The following BICRA variants were observed in gnomAD, a reference collection of about 807,000 sequenced individuals.
BICRA encodes BRD4 interacting chromatin remodeling complex associated protein, also known as BRD4-interacting chromatin-remodeling complex-associated protein.
In BICRA, 31 loss-of-function variants were observed where a neutral mutation model predicts 96.9. The ratio of observed to expected loss-of-function variants is 0.32; its 90% CI spans 0.24 to 0.43. BICRA has a LOEUF of 0.43. BICRA is among the 20% of genes least tolerant of loss of function. The pLI is 1.00. For missense variants in BICRA, 2,283 were observed against 2,190.3 expected, an observed-to-expected ratio of 1.04 and a Z score of -0.84; for synonymous variants, 1,350 against 1,071.8, an observed-to-expected ratio of 1.26 and a Z score of -5.07.
chr19:47,659,930 T>C (rs1036753505), intron 1 of BICRA, among the ~76,000 whole-genome samples: 6 of 152,112 alleles, frequency 3.9e-5, no homozygotes, highest in Non-Finnish European at 8.8e-5. Flanking sequence ...GTAAAATTTT[T>C]TGTAGAGATG....
rs1815013098 is a variant in BICRA at position 47,680,922 on chromosome 19, G to C, written c.1752G>C (p.Gln584His). Reference protein sequence around the residue: ...PAGPAATTVLQGVTLPPSAVA... With the variant: ...PAGPAATTVLHGVTLPPSAVA... ...GGCCGGCCGCCACCACTGTCCTCCA[G>C]GGGGTCACCCTGCCCCCCAGCGCCG... The change falls in exon 6 of 15, where the codon CAG becomes CAC. Residue 584 changes from glutamine (Q) to histidine (H), a missense_variant. By Grantham distance (24) the Gln-to-His change is conservative (BLOSUM62 0). Transcript: ENST00000594866. 11 of 1,480,030 alleles carry C rather than the reference G, an allele frequency of 7.4e-6. No individual in the cohort carries two copies. Among genetic ancestry groups the C allele is most frequent in the Non-Finnish European group, 9.8e-6 (11 of 1,127,380 alleles). 91.7% of individuals were successfully genotyped at this position (1,480,030 alleles called of 1,614,324 possible). A position where few individuals can be genotyped will look rare whatever the true frequency, so the allele number is the denominator to read the frequency against.
At chr19:47,633,020 C>T (rs1288127656) in intron 1 of BICRA, among the ~76,000 whole-genome samples, 2 of 151,110 alleles carry the variant, frequency 1.3e-5, no homozygotes, top group African/African-American at 2.4e-5. Flanking sequence ...TAAAGCTTAG[C>T]GGCTCTTATT....
intron 1 of BICRA, among the ~76,000 whole-genome samples, chr19:47,645,942 A>T (rs139009561): frequency 4.6e-5 from 7 of 152,136 alleles, no homozygotes; most frequent in South Asian, 2.1e-4. Context: ...ACAAAAAATT[A>T]AAAAAGTTAG....
intron 1 of BICRA, among the ~76,000 whole-genome samples, chr19:47,625,046 G>T (rs1972120848): frequency 7.2e-6 from 1 of 139,292 alleles, no homozygotes; most frequent in Non-Finnish European, 1.5e-5. Context: ...GTTGCCCAGG[G>T]TGAAGTGCAG....
At chr19:47,645,734 G>A (rs556476969) in intron 1 of BICRA, among the ~76,000 whole-genome samples, 1 of 152,312 alleles carries the variant, frequency 6.6e-6, no homozygotes, top group Admixed American at 6.5e-5. Context: ...TCTTCCTTCT[G>A]ATTGGCTCTT....
At chr19:47,664,938 A>G (rs1352612265) in intron 1 of BICRA, among the ~76,000 whole-genome samples, 1 of 152,212 alleles carries the variant, frequency 6.6e-6, no homozygotes, top group Non-Finnish European at 1.5e-5. Context: ...ACAGATGGTT[A>G]AAAAGCCAGT....
chr19:47,648,575 A>G (rs1033265988), intron 1 of BICRA, among the ~76,000 whole-genome samples: 1 of 151,546 alleles, frequency 6.6e-6, no homozygotes, highest in Non-Finnish European at 1.5e-5. Context: ...GTGACACTCG[A>G]GAAAAGGAAG....
At chr19:47,689,277 C>CT (rs1394482017) in intron 7 of BICRA, among the ~76,000 whole-genome samples, 1 of 150,616 alleles carries the variant, frequency 6.6e-6, no homozygotes, top group Non-Finnish European at 1.5e-5. Context: ...GTTTTTTTTT[C>CT]TTTTTTTCCA....
At position 47,701,909 on chromosome 19, in the gene BICRA, G is replaced by A. The variant is rs1442421204; in HGVS notation, c.4177G>A (p.Glu1393Lys). Residue 1393 changes from glutamate to lysine, a missense_variant, in exon 15 of 15, where the codon GAG becomes AAG. By Grantham distance (56) the Glu-to-Lys change is moderately conservative. Transcript: ENST00000594866. The surrounding 1 kb of genome is among the most constrained non-coding windows in gnomAD (Gnocchi z 5.4). Reference sequence around the variant, plus strand: ...CCTGCCACTGCGCAAGACCTACCGCGAGAACGTGGGGGGCCCTGGCGCGCC... The same window carrying A: ...CCTGCCACTGCGCAAGACCTACCGCAAGAACGTGGGGGGCCCTGGCGCGCC... ...PRLPLRKTYR[E>K]NVGGPGAPEG... The A allele has an allele frequency of 1.4e-6, 2 of 1,440,446 alleles. No homozygotes were observed. Among genetic ancestry groups the A allele is most frequent in the East Asian group, 3.1e-5 (1 of 32,658 alleles). The allele number at this position is 1,440,446 out of a possible 1,614,324, so 89.2% of individuals were successfully genotyped here.
chr19:47,682,558 G>A (rs1247269718), intron 7 of BICRA, among the ~76,000 whole-genome samples: 16 of 152,164 alleles, frequency 1.1e-4, no homozygotes, highest in African/African-American at 2.4e-5. Context: ...TAGGGAAACA[G>A]AATCAAATAG....
intron 7 of BICRA, 102 bp from the exon 8 acceptor site, chr19:47,694,013 G>A (rs1973281815): frequency 2.2e-6 from 3 of 1,369,674 alleles, no homozygotes; most frequent in Middle Eastern, 2.5e-4. Context: ...TAGGAAGGGG[G>A]CTTCTGGCGG....
chr19:47,616,038 A>G (rs1039687438), intron 1 of BICRA: 4 of 152,452 alleles, frequency 2.6e-5, no homozygotes, highest in Admixed American at 6.5e-5. Flanking sequence ...ACAAGGAACA[A>G]TGTTGGCATT....
chr19:47,685,137 T>G (rs1973124850), intron 7 of BICRA, among the ~76,000 whole-genome samples: 1 of 118,110 alleles, frequency 8.5e-6, no homozygotes, highest in Non-Finnish European at 1.7e-5. Context: ...GCACAGCTAA[T>G]TTTTTTTTTT....
At chr19:47,639,841 G>T (rs1430197041) in intron 1 of BICRA, among the ~76,000 whole-genome samples, 1 of 150,634 alleles carries the variant, frequency 6.6e-6, no homozygotes, top group Admixed American at 6.6e-5. Flanking sequence ...ATGGGGTCTA[G>T]CTATGATGCC....
At chr19:47,694,083 G>GCCCCCC in intron 7 of BICRA, 32 bp from the exon 8 acceptor site, 2 of 1,093,876 alleles carry the variant, frequency 1.8e-6, no homozygotes, top group Non-Finnish European at 2.3e-6. Flanking sequence ...TCTGACCCCC[G>GCCCCCC]CCCCTCCCCT....
intron 7 of BICRA, among the ~76,000 whole-genome samples, chr19:47,693,884 T>G (rs1204341053): frequency 1.3e-5 from 2 of 151,714 alleles, no homozygotes; most frequent in Non-Finnish European, 2.9e-5. Context: ...CAGAGAAATG[T>G]GGAGGAGCTG....
intron 7 of BICRA, among the ~76,000 whole-genome samples, chr19:47,685,791 GCGCGCGCGCA>G (rs1180404610): frequency 7.8e-6 from 1 of 127,652 alleles, no homozygotes; most frequent in Non-Finnish European, 1.6e-5. Flanking sequence ...GTGTGTGCGC[GCGCGCGCGCA>G]TGCGTACATT....
Position 47,698,569 on chromosome 19 carries a change from C to A in BICRA, c.3249-65C>A. 1.3e-6 allele frequency: 1 copy of A among 754,874 alleles called. No homozygotes were observed. The highest frequency in any genetic ancestry group is 1.5e-5 in the South Asian group (1 of 66,548). The allele number at this position is 754,874 out of a possible 1,614,324, so 46.8% of individuals were successfully genotyped here. A position where few individuals can be genotyped will look rare whatever the true frequency, so the allele number is the denominator to read the frequency against. On this transcript the variant is annotated intron_variant, in intron 11 of 14. Coordinates refer to ENST00000594866, the MANE Select transcript of BICRA (RefSeq NM_001394372.1). The surrounding 1 kb of genome is among the most constrained non-coding windows in gnomAD (Gnocchi z 4.8). The stretch of plus-strand genomic sequence containing the variant: ...CCTGGGGCTGAGGGTTCAGGGACTT[C>A]CCCTGGCCCTCACCCGTCCCCCCCA...
At position 47,681,007 on chromosome 19, in the gene BICRA, G is replaced by A. The variant is rs1401035422; in HGVS notation, c.1837G>A (p.Gly613Arg). ...GCCGGCCACCCCTGCCGCTGCCACCGGGGAGGCCGCGCCTGTCCTCACGGT... is the reference window on the plus strand; with the variant it reads ...GCCGGCCACCCCTGCCGCTGCCACCAGGGAGGCCGCGCCTGTCCTCACGGT... ...VQPATPAAAT[G>R]EAAPVLTVQP... The change falls in exon 6 of 15, where the codon GGG becomes AGG. Residue 613 changes from glycine (G) to arginine (R), a missense_variant. By Grantham distance (125) the Gly-to-Arg change is moderately radical. Transcript: ENST00000594866. 65 of 1,452,704 alleles carry A rather than the reference G, an allele frequency of 4.5e-5. No individual in the cohort carries two copies. Among genetic ancestry groups the A allele is most frequent in the African/African-American group, 1.1e-4 (7 of 65,344 alleles). The allele number at this position is 1,452,704 out of a possible 1,614,324, so 90.0% of individuals were successfully genotyped here.
Sources: allele counts gnomAD v4.1 joint callset (sites outside exome capture counted in the v4.1 genomes callset), GRCh38; gene constraint gnomAD v4.1.1; non-coding constraint Gnocchi (gnomAD v3.1); transcripts MANE v1.5; gene names NCBI Gene and HGNC (gene_info 2026-07-23, HGNC 2026-07-21).